Variants in SNAPC5 observed in about 807,000 individuals in gnomAD.
The protein encoded by SNAPC5 is small nuclear RNA activating complex polypeptide 5, also known as snRNA-activating protein complex subunit 5.
A neutral mutation model predicts 9.1 loss-of-function variants in SNAPC5; 12 were observed. The observed-to-expected ratio is 1.32, with a 90% CI of 0.85 to 2.15. SNAPC5 has a LOEUF of 2.15. Among genes scored for constraint, SNAPC5 ranks in the 30% most tolerant of loss-of-function variants. The pLI is 0.00. For missense variants in SNAPC5, 132 were observed against 114.4 expected (o/e 1.15, Z -0.70); for synonymous variants, 52 against 47.3 (o/e 1.10, Z -0.41).
downstream of SNAPC5, chr15:66,490,021 C>T: frequency 1.7e-6 from 1 of 586,394 alleles, no homozygotes; most frequent in Non-Finnish European, 3.0e-6. Flanking sequence ...AAAAGGCCAG[C>T]CCACCCCCTT....
Position 66,494,675 on chromosome 15 carries a change from A to G in SNAPC5, c.181-123T>C, listed in dbSNP as rs536617579. The stretch of plus-strand genomic sequence containing the variant: ...TCTATCCCCAGTACTTATGACTAAG[A>G]GGTATGGCCACTTTCCTTTTATACC... On this transcript the variant is annotated intron_variant, in intron 2 of 2. Transcript: ENST00000316634. 3 of 662,836 alleles carry G rather than the reference A, an allele frequency of 4.5e-6. No individual in the cohort carries two copies. The East Asian group carries it at 7.9e-5, about 17-fold the overall frequency. The allele number at this position is 662,836 out of a possible 1,614,324, so 41.1% of individuals were successfully genotyped here. A position where few individuals can be genotyped will look rare whatever the true frequency, so the allele number is the denominator to read the frequency against.
downstream of SNAPC5, chr15:66,491,172 T>A (rs1281332843): frequency 3.6e-6 from 1 of 276,986 alleles, no homozygotes; most frequent in Non-Finnish European, 6.9e-6. Context: ...GACATCCAAA[T>A]CTAGCCAGAG....
downstream of SNAPC5, chr15:66,490,496 A>T (rs748223054): frequency 6.3e-7 from 1 of 1,596,856 alleles, no homozygotes; most frequent in Non-Finnish European, 8.6e-7. Flanking sequence ...GTTTCCTTAC[A>T]TGCAGGTTCA....
intron 1 of SNAPC5, 104 bp downstream of exon 1, chr15:66,497,538 G>C (rs1297767296): frequency 1.0e-6 from 1 of 971,186 alleles, no homozygotes; most frequent in Admixed American, 1.7e-5. Flanking sequence ...CTAGTGAGTA[G>C]CGGAGAACTG....
At chr15:66,496,036 C>T (rs966855486) in intron 1 of SNAPC5, among the ~76,000 whole-genome samples, 4 of 151,598 alleles carry the variant, frequency 2.6e-5, no homozygotes, top group Admixed American at 6.6e-5. Flanking sequence ...TCCTGGCTAA[C>T]ACTGTGAAAC....
intron 2 of SNAPC5, chr15:66,494,930 T>C (rs768130550): frequency 1.6e-5 from 5 of 313,926 alleles, no homozygotes; most frequent in Non-Finnish European, 1.2e-5. Flanking sequence ...GAGATGAGTA[T>C]GATGAGAACT....
chr15:66,492,512 T>C (rs1053769349), downstream of SNAPC5, among the ~76,000 whole-genome samples: 8 of 147,302 alleles, frequency 5.4e-5, no homozygotes, highest in African/African-American at 1.9e-4. Context: ...ATATAAACAT[T>C]TAGGCTGGGT....
At chr15:66,491,743 A>G (rs967727947), downstream of SNAPC5, 7 of 351,304 alleles carry the variant, frequency 2.0e-5, no homozygotes, top group South Asian at 2.2e-5. Context: ...TTCTCACCCA[A>G]CACCCTTATC....
At chr15:66,496,167 T>TA (rs556978911) in intron 1 of SNAPC5, among the ~76,000 whole-genome samples, 17 of 152,170 alleles carry the variant, frequency 1.1e-4, no homozygotes, top group Middle Eastern at 3.4e-3. Flanking sequence ...CATATGGACT[T>TA]AAAGTTTCTG....
At chr15:66,495,735 C>CAG (rs71819220) in intron 1 of SNAPC5, among the ~76,000 whole-genome samples, 78 of 151,836 alleles carry the variant, frequency 5.1e-4, no homozygotes, top group Non-Finnish European at 9.7e-4. Flanking sequence ...TCTGATTCCT[C>CAG]AGAGAGAGAG....
chr15:66,495,017 T>C (rs1567030868), intron 2 of SNAPC5: 6 of 392,116 alleles, frequency 1.5e-5, no homozygotes, highest in Non-Finnish European at 2.4e-5. Context: ...TCACAAAAAA[T>C]CAAGAGTTTT....
Position 66,497,706 on chromosome 15 carries a change from C to T in SNAPC5, c.26G>A (p.Arg9His). MLSRLQEL[R>H]KEEETLLRLK... ...CCGCAGCAGCGTCTCCTCCTCCTTG[C>T]GCAGTTCCTGAAGCCGGCTCAGCAT... Residue 9 changes from arginine to histidine, a missense_variant, in exon 1 of 3, where the codon CGC (arginine) becomes CAC (histidine). Arg to His is a conservative substitution (Grantham distance 29, BLOSUM62 0). Coordinates refer to ENST00000316634, the MANE Select transcript of SNAPC5 (RefSeq NM_001329615.2). The T allele has an allele frequency of 6.2e-7, 1 of 1,613,578 alleles. No individual in the cohort carries two copies. Among genetic ancestry groups the T allele is most frequent in the Non-Finnish European group, 8.5e-7 (1 of 1,179,942 alleles).
chr15:66,493,474 G>A lies in SNAPC5; in HGVS notation c.*962C>T, dbSNP rs1198932299. ...GTTCGAGAGCAGCCTGACCAACATG[G>A]AAAAATCCCATCTTTACTAAAAATA... On this transcript the variant is annotated 3_prime_UTR_variant, in exon 3 of 3. Coordinates refer to ENST00000316634, the MANE Select transcript of SNAPC5 (RefSeq NM_001329615.2). 6.6e-6 allele frequency: 1 copy of A among 152,068 alleles called. No homozygotes were observed. The highest frequency in any genetic ancestry group is 1.5e-5 in the Non-Finnish European group (1 of 68,026). 9.4% of individuals were successfully genotyped at this position (152,068 alleles called of 1,614,324 possible). A position where few individuals can be genotyped will look rare whatever the true frequency, so the allele number is the denominator to read the frequency against.
At chr15:66,490,043 G>C, downstream of SNAPC5, 3 of 568,504 alleles carry the variant, frequency 5.3e-6, no homozygotes, top group Admixed American at 3.0e-5. Context: ...ATGGGGATGC[G>C]GCCTTTCCCT....
chr15:66,497,579 G>C (rs1893481475), intron 1 of SNAPC5, 63 bp downstream of exon 1: 1 of 1,470,208 alleles, frequency 6.8e-7, no homozygotes, highest in South Asian at 1.1e-5. Flanking sequence ...CAGAGGCCCA[G>C]GTTGGGGGGA....
chr15:66,495,598 A>G (rs554727787), intron 1 of SNAPC5, among the ~76,000 whole-genome samples, 179 bp from the exon 2 acceptor site: 1 of 152,272 alleles, frequency 6.6e-6, no homozygotes, highest in Non-Finnish European at 1.5e-5. Flanking sequence ...TTTTAAGGAG[A>G]TGAGTAAAGA....
downstream of SNAPC5, chr15:66,490,371 G>T (rs754481738): frequency 2.6e-6 from 2 of 770,726 alleles, no homozygotes; most frequent in East Asian, 4.9e-5. Flanking sequence ...TGTTGCTCAG[G>T]GGCAGGTGCC....
chr15:66,490,689 G>A, downstream of SNAPC5: 1 of 1,022,234 alleles, frequency 9.8e-7, no homozygotes, highest in Non-Finnish European at 1.6e-6. Context: ...TCCTTCCCAT[G>A]CCTGTCTCTG....
Position 66,497,674 on chromosome 15 carries a change from C to T in SNAPC5, c.58G>A (p.Ala20Thr), listed in dbSNP as rs1893488187. 1.4e-5 allele frequency: 23 copies of T among 1,613,880 alleles called. No individual in the cohort carries two copies. In the East Asian group the frequency reaches 5.1e-4, roughly 36 times the overall value. The change falls in exon 1 of 3, where the codon GCA (alanine) becomes ACA (threonine). Residue 20 changes from alanine to threonine, a missense_variant. Ala to Thr is a moderately conservative substitution (Grantham distance 58, BLOSUM62 0). Transcript: ENST00000316634. The part of the protein sequence containing the change: ...KEEETLLRLK[A>T]ALHDQLNRLK... The stretch of plus-strand genomic sequence containing the variant: ...CGGTTCAGCTGGTCGTGCAGGGCTG[C>T]CTTCAACCGCAGCAGCGTCTCCTCC...
Sources: gnomAD v4.1 joint callset for allele counts (sites outside exome capture counted in the v4.1 genomes callset) on GRCh38, gnomAD v4.1.1 for gene constraint, MANE v1.5 for transcripts, NCBI Gene and HGNC (gene_info 2026-07-23, HGNC 2026-07-21) for gene names.